Variants in MAGI2 observed in about 807,000 individuals in gnomAD.
The protein encoded by MAGI2 is membrane-associated guanylate kinase, WW and PDZ domain-containing protein 2.
Under a neutral mutation model 133.3 loss-of-function variants are expected in MAGI2, and 35 were observed. The observed-to-expected ratio is 0.26, with a 90% confidence interval of 0.20 to 0.35. The LOEUF is 0.35. Ranked by LOEUF, MAGI2 falls within the 10% of genes least tolerant of loss-of-function variation. MAGI2 has a pLI of 1.00. For missense variants in MAGI2, 1,636 were observed against 1,863.4 expected (o/e 0.88, Z 2.25); for synonymous variants, 729 against 710.6 (o/e 1.03, Z -0.41).
chr7:79,020,478 A>G (rs1809199453), intron 1 of MAGI2, among the ~76,000 whole-genome samples: 1 of 152,174 alleles, frequency 6.6e-6, no homozygotes, highest in African/African-American at 2.4e-5. Flanking sequence ...ATAAGAAATG[A>G]GGAACTGGTC....
intron 2 of MAGI2, among the ~76,000 whole-genome samples, chr7:78,927,672 T>A (rs1305054012): frequency 2.6e-5 from 4 of 151,988 alleles, no homozygotes; most frequent in African/African-American, 9.7e-5. Flanking sequence ...CCTCATTAGA[T>A]ATCTCTTACA....
chr7:79,167,070 T>G (rs1825000404), intron 1 of MAGI2, among the ~76,000 whole-genome samples: 2 of 152,100 alleles, frequency 1.3e-5, no homozygotes, highest in Non-Finnish European at 1.5e-5. Context: ...AAGCTTTATT[T>G]TATATGTTCA....
At chr7:79,096,339 A>G (rs1211482718) in intron 1 of MAGI2, among the ~76,000 whole-genome samples, 3 of 152,166 alleles carry the variant, frequency 2.0e-5, no homozygotes, top group Non-Finnish European at 4.4e-5. Flanking sequence ...CCAAGAAGCC[A>G]CACTACGATG....
At chr7:79,320,465 T>A (rs2129561577) in intron 1 of MAGI2, among the ~76,000 whole-genome samples, 1 of 152,224 alleles carries the variant, frequency 6.6e-6, no homozygotes, top group Middle Eastern at 3.4e-3. Context: ...GTTTAAAAGT[T>A]GTTTTATAAG....
At chr7:78,181,861 C>A (rs555104451) in intron 13 of MAGI2, among the ~76,000 whole-genome samples, 26 of 152,324 alleles carry the variant, frequency 1.7e-4, no homozygotes, top group Admixed American at 1.4e-3. Context: ...ACTCTAGGGG[C>A]TTCACATGCT....
At chr7:79,059,211 T>C (rs371996787) in intron 1 of MAGI2, among the ~76,000 whole-genome samples, 3 of 152,084 alleles carry the variant, frequency 2.0e-5, no homozygotes, top group East Asian at 3.9e-4. Context: ...ATTTTTTTTG[T>C]AGCACAATTT....
intron 9 of MAGI2, among the ~76,000 whole-genome samples, chr7:78,325,420 C>T (rs1788485074): frequency 6.6e-6 from 1 of 152,094 alleles, no homozygotes; most frequent in Non-Finnish European, 1.5e-5. Flanking sequence ...TATTAAAGCA[C>T]CTTAATTAGG....
At chr7:79,114,555 G>T (rs1052739675) in intron 1 of MAGI2, among the ~76,000 whole-genome samples, 1 of 152,154 alleles carries the variant, frequency 6.6e-6, no homozygotes, top group Non-Finnish European at 1.5e-5. Flanking sequence ...AGAACAGTTA[G>T]CTGCCATAGC....
At chr7:78,641,693 AT>A (rs1159873078) in intron 2 of MAGI2, among the ~76,000 whole-genome samples, 10 of 151,848 alleles carry the variant, frequency 6.6e-5, no homozygotes, top group Admixed American at 1.3e-4. Flanking sequence ...TCATGTGTCA[AT>A]TTTTTTTTAA....
At chr7:78,969,169 C>T (rs1448846578) in intron 2 of MAGI2, among the ~76,000 whole-genome samples, 1 of 151,886 alleles carries the variant, frequency 6.6e-6, no homozygotes, top group African/African-American at 2.4e-5. Context: ...GGTGTACTGG[C>T]GACCACCTGG....
At chr7:78,980,227 T>C (rs1347063083) in intron 2 of MAGI2, among the ~76,000 whole-genome samples, 1 of 151,872 alleles carries the variant, frequency 6.6e-6, no homozygotes, top group East Asian at 1.9e-4. Flanking sequence ...CAGGATTAAA[T>C]GAGTTGAGTC....
chr7:78,147,078 T>C lies in MAGI2; in HGVS notation c.2846-11872A>G, dbSNP rs116319616. Among the ~76,000 whole-genome samples the C allele has an allele frequency of 4.7e-3, 716 of 152,322 alleles. 11 individuals are homozygous for C. The highest frequency in any genetic ancestry group is 0.016 in the African/African-American group (681 of 41,580). Reference sequence around the variant, plus strand: ...CTTTTCAATATATTATCCAGAAGATTACATGAATATTTATTGGCCCTCCAG... The same window carrying C: ...CTTTTCAATATATTATCCAGAAGATCACATGAATATTTATTGGCCCTCCAG... On this transcript the variant is annotated intron_variant, in intron 16 of 21. Coordinates refer to ENST00000354212, the MANE Select transcript of MAGI2 (RefSeq NM_012301.4).
intron 2 of MAGI2, among the ~76,000 whole-genome samples, chr7:78,899,507 A>C (rs1241712215): frequency 6.6e-6 from 1 of 152,180 alleles, no homozygotes; most frequent in East Asian, 1.9e-4. Flanking sequence ...CTAAGTATGT[A>C]TAGCCTTCAT....
At chr7:78,825,742 T>G (rs1197736403) in intron 2 of MAGI2, among the ~76,000 whole-genome samples, 1 of 152,198 alleles carries the variant, frequency 6.6e-6, no homozygotes, top group Non-Finnish European at 1.5e-5. Context: ...AAATAATGCA[T>G]GTAAGCCTGT....
intron 2 of MAGI2, among the ~76,000 whole-genome samples, chr7:78,930,716 A>T (rs946851996): frequency 6.6e-6 from 1 of 152,092 alleles, no homozygotes; most frequent in African/African-American, 2.4e-5. Context: ...CATGGGTTCC[A>T]TACTAATATA....
At chr7:78,344,442 T>C (rs75038338) in intron 8 of MAGI2, among the ~76,000 whole-genome samples, 1 of 146,780 alleles carries the variant, frequency 6.8e-6, no homozygotes, top group Non-Finnish European at 1.5e-5. Context: ...GGACTTGTGA[T>C]TTTTTTTTTA....
chr7:79,314,895 A>G (rs1838584761), intron 1 of MAGI2, among the ~76,000 whole-genome samples: 1 of 152,166 alleles, frequency 6.6e-6, no homozygotes, highest in South Asian at 2.1e-4. Flanking sequence ...CCCTAAAATG[A>G]AACTCAGATA....
chr7:78,303,521 T>A (rs922974680), intron 9 of MAGI2, among the ~76,000 whole-genome samples: 1 of 152,088 alleles, frequency 6.6e-6, no homozygotes, highest in Non-Finnish European at 1.5e-5. Flanking sequence ...ATTTTTATAG[T>A]TCCAAATGAA....
At chr7:79,065,126 C>T (rs1814171357) in intron 1 of MAGI2, among the ~76,000 whole-genome samples, 1 of 151,942 alleles carries the variant, frequency 6.6e-6, no homozygotes, top group Non-Finnish European at 1.5e-5. Context: ...TCAGCCAATA[C>T]CCAATATGAA....
Sources: gnomAD v4.1 joint callset for allele counts (sites outside exome capture counted in the v4.1 genomes callset) on GRCh38, gnomAD v4.1.1 for gene constraint, MANE v1.5 for transcripts, NCBI Gene and HGNC (gene_info 2026-07-23, HGNC 2026-07-21) for gene names.